The following ROBO2 variants were observed in gnomAD, a reference collection of about 807,000 sequenced individuals.
ROBO2 encodes roundabout guidance receptor 2.
A neutral mutation model predicts 160.8 loss-of-function variants in ROBO2; 53 were observed. That is an observed-to-expected ratio of 0.33 (90% confidence interval 0.26 to 0.41). The LOEUF (loss-of-function observed/expected upper bound fraction) is 0.41, where lower values mean the gene tolerates loss of function less well. ROBO2 is among the 10% of genes least tolerant of loss of function. The pLI is 1.00. For synonymous variants in ROBO2, 664 were observed against 611.7 expected, an observed-to-expected ratio of 1.09 and a Z score of -1.26; for missense variants, 1,577 against 1,722.4, an observed-to-expected ratio of 0.92 and a Z score of 1.49.
At chr3:77,156,051 C>T (rs1021962084) in intron 2 of ROBO2, among the ~76,000 whole-genome samples, 1 of 151,980 alleles carries the variant, frequency 6.6e-6, no homozygotes, top group African/African-American at 2.4e-5. Context: ...CTGGGCCTCT[C>T]TTCTGAGTTG....
chr3:75,997,990 G>T (rs1189506804), intron 2 of ROBO2, among the ~76,000 whole-genome samples: 7 of 152,124 alleles, frequency 4.6e-5, no homozygotes, highest in Non-Finnish European at 7.3e-5. Context: ...CATCTAAGAT[G>T]AAATGATAAT....
intron 2 of ROBO2, among the ~76,000 whole-genome samples, chr3:76,097,701 G>T (rs1303469921): frequency 6.6e-6 from 1 of 152,152 alleles, no homozygotes; most frequent in Non-Finnish European, 1.5e-5. Context: ...AACATGTGCA[G>T]AACGTAGGAA....
At chr3:75,918,247 C>T (rs1322953644) in intron 1 of ROBO2, among the ~76,000 whole-genome samples, 8 of 152,192 alleles carry the variant, frequency 5.3e-5, no homozygotes, top group Admixed American at 2.0e-4. Context: ...CTCTTTTCTG[C>T]ATATGGCTAG....
At chr3:77,218,714 A>G (rs550777754) in intron 2 of ROBO2, among the ~76,000 whole-genome samples, 35 of 152,188 alleles carry the variant, frequency 2.3e-4, no homozygotes, top group Admixed American at 1.2e-3. Context: ...TTAGGTTATC[A>G]TGTCACCCTC....
chr3:76,384,346 T>TTTACTAG (rs1381212331), intron 2 of ROBO2, among the ~76,000 whole-genome samples: 1 of 152,208 alleles, frequency 6.6e-6, no homozygotes. Context: ...TTACTGGGTA[T>TTTACTAG]ATGTTAACAT....
At chr3:76,938,971 C>CAAAAAAAAAAAAAAAAAAAAAAAA (rs71629626) in intron 2 of ROBO2, among the ~76,000 whole-genome samples, 23 of 114,590 alleles carry the variant, frequency 2.0e-4, no homozygotes, top group African/African-American at 7.2e-4. Context: ...AACTCAGTCT[C>CAAAAAAAAAAAAAAAAAAAAAAAA]AAAAAAAAAA....
chr3:76,206,387 A>G (rs1475550556), intron 2 of ROBO2, among the ~76,000 whole-genome samples: 1 of 152,172 alleles, frequency 6.6e-6, no homozygotes, highest in Non-Finnish European at 1.5e-5. Context: ...TGATTTGAAG[A>G]TTTCCATCTC....
chr3:76,051,712 G>T (rs142305155), intron 2 of ROBO2, among the ~76,000 whole-genome samples: 117 of 152,154 alleles, frequency 7.7e-4, no homozygotes, highest in African/African-American at 2.6e-3. Flanking sequence ...TCAGGTTCAC[G>T]TATACTACAT....
At chr3:77,595,890 T>G (rs2094291676) in intron 18 of ROBO2, among the ~76,000 whole-genome samples, 1 of 152,160 alleles carries the variant, frequency 6.6e-6, no homozygotes, top group Non-Finnish European at 1.5e-5. Context: ...GTGCAATGAT[T>G]ATAGATGTTC....
At chr3:76,934,386 AAAT>A (rs1005916428) in intron 2 of ROBO2, among the ~76,000 whole-genome samples, 3 of 152,166 alleles carry the variant, frequency 2.0e-5, no homozygotes, top group African/African-American at 7.2e-5. Context: ...GCTTAAATAA[AAAT>A]AATAGCTACA....
At chr3:77,192,695 G>A (rs776818887) in intron 2 of ROBO2, among the ~76,000 whole-genome samples, 4 of 129,902 alleles carry the variant, frequency 3.1e-5, no homozygotes, top group Admixed American at 8.8e-5. Flanking sequence ...ACCCAGGTTG[G>A]AGTGCAGTGG....
At chr3:77,558,643 AG>A (rs2093215614) in intron 9 of ROBO2, among the ~76,000 whole-genome samples, 1 of 152,048 alleles carries the variant, frequency 6.6e-6, no homozygotes. Flanking sequence ...GTTGTTGTGT[AG>A]TTTAGATTTA....
chr3:76,724,979 A>G (rs1356891959), intron 2 of ROBO2, among the ~76,000 whole-genome samples: 1 of 152,106 alleles, frequency 6.6e-6, no homozygotes, highest in Non-Finnish European at 1.5e-5. Flanking sequence ...AAGCTATAAT[A>G]AAAGTGGCAA....
At chr3:76,068,075 C>G (rs181945981) in intron 2 of ROBO2, among the ~76,000 whole-genome samples, 1 of 152,222 alleles carries the variant, frequency 6.6e-6, no homozygotes, top group East Asian at 1.9e-4. Flanking sequence ...GTTACAAGGT[C>G]AGGAAAGACT....
At chr3:77,105,342 C>T (rs1393678920) in intron 2 of ROBO2, among the ~76,000 whole-genome samples, 2 of 152,114 alleles carry the variant, frequency 1.3e-5, no homozygotes, top group Non-Finnish European at 2.9e-5. Flanking sequence ...GAGCAACTTT[C>T]GTTTTTTGTA....
chr3:77,288,910 GAAGTA>G (rs138455341), intron 2 of ROBO2, among the ~76,000 whole-genome samples: 6,260 of 152,180 alleles, frequency 0.041, 422 homozygotes, highest in African/African-American at 0.14. Context: ...TTGAAAGTTA[GAAGTA>G]AAGTTGTCAA....
At chr3:77,265,640 A>C (rs998391860) in intron 2 of ROBO2, among the ~76,000 whole-genome samples, 2 of 152,132 alleles carry the variant, frequency 1.3e-5, no homozygotes, top group Admixed American at 6.6e-5. Flanking sequence ...AGACATTCCT[A>C]TTGACAATTT....
intron 2 of ROBO2, among the ~76,000 whole-genome samples, chr3:76,017,019 T>G (rs2066424389): frequency 6.6e-6 from 1 of 152,180 alleles, no homozygotes; most frequent in African/African-American, 2.4e-5. Context: ...AAGCAGCCTG[T>G]GTTTTGCATA....
At chr3:76,863,785 A>G (rs1022364081) in intron 2 of ROBO2, among the ~76,000 whole-genome samples, 2 of 152,110 alleles carry the variant, frequency 1.3e-5, no homozygotes, top group African/African-American at 2.4e-5. Flanking sequence ...TATAAAGACA[A>G]TAACTACCCC....
Sources: gnomAD v4.1 joint callset for allele counts (sites outside exome capture counted in the v4.1 genomes callset) on GRCh38, gnomAD v4.1.1 for gene constraint, MANE v1.5 for transcripts, NCBI Gene and HGNC (gene_info 2026-07-23, HGNC 2026-07-21) for gene names.